The following GFRA1 variants were observed in gnomAD, a reference collection of about 807,000 sequenced individuals.
The protein encoded by GFRA1 is GDNF family receptor alpha-1.
In GFRA1, 16 loss-of-function variants were observed where a neutral mutation model predicts 51.6. The observed-to-expected ratio is 0.31, with a 90% CI of 0.21 to 0.47. GFRA1 has a LOEUF of 0.47. Among genes scored for constraint, GFRA1 ranks in the 20% least tolerant of loss-of-function variants. The pLI is 1.00. For missense variants in GFRA1, 530 were observed against 594.3 expected (o/e 0.89, Z 1.13); for synonymous variants, 270 against 241.3 (o/e 1.12, Z -1.10).
intron 6 of GFRA1, 54 bp downstream of exon 6, chr10:116,125,164 AGCC>A (rs1957801456): frequency 7.0e-7 from 1 of 1,438,332 alleles, no homozygotes; most frequent in African/African-American, 1.4e-5. Context: ...CAGCCGAAGC[AGCC>A]GCCAAGACTT....
At chr10:116,252,474 G>A (rs1336053890) in intron 4 of GFRA1, among the ~76,000 whole-genome samples, 1 of 152,194 alleles carries the variant, frequency 6.6e-6, no homozygotes, top group Non-Finnish European at 1.5e-5. Flanking sequence ...GTGATACCAA[G>A]TGAGGTATAC....
chr10:116,093,762 C>T lies in GFRA1; in HGVS notation c.955G>A (p.Gly319Arg). 6.2e-7 allele frequency: 1 copy of T among 1,613,738 alleles called. No homozygotes were observed. ...VAPWCDCSNS[G>R]NDLEECLKFL... ...TTCAAGCACTCTTCTAGGTCGTTCC[C>T]ACTGTTGCTGCAGTCACACCATGGG... is the stretch of plus-strand genomic sequence containing the variant. Residue 319 changes from glycine (G) to arginine (R), a missense_variant, in exon 8 of 11, where the codon GGG becomes AGG. Gly to Arg is a moderately radical substitution (Grantham distance 125). Coordinates refer to ENST00000355422, the MANE Select transcript of GFRA1 (RefSeq NM_005264.8).
intron 4 of GFRA1, among the ~76,000 whole-genome samples, chr10:116,256,378 G>C (rs375631751): frequency 3.3e-5 from 5 of 152,088 alleles, no homozygotes; most frequent in Non-Finnish European, 5.9e-5. Context: ...GGGTCCACCC[G>C]GTAGGTCCTG....
At chr10:116,239,829 C>T (rs1384537758) in intron 4 of GFRA1, among the ~76,000 whole-genome samples, 3 of 152,100 alleles carry the variant, frequency 2.0e-5, no homozygotes, top group East Asian at 3.8e-4. Flanking sequence ...AACTGAGTCT[C>T]CTAGGATTTA....
At chr10:116,243,883 T>G (rs1207661131) in intron 4 of GFRA1, among the ~76,000 whole-genome samples, 1 of 152,112 alleles carries the variant, frequency 6.6e-6, no homozygotes, top group Non-Finnish European at 1.5e-5. Flanking sequence ...CTCTGCTCAC[T>G]GGCCTGGGGA....
At chr10:116,101,980 AC>A (rs1157624246) in intron 6 of GFRA1, among the ~76,000 whole-genome samples, 1 of 152,212 alleles carries the variant, frequency 6.6e-6, no homozygotes, top group Non-Finnish European at 1.5e-5. Context: ...TATTATTCTT[AC>A]CCATATTCCA....
Position 116,091,767 on chromosome 10 carries a change from G to T in GFRA1, c.1016-1845C>A, listed in dbSNP as rs182813950. 2.4e-4 allele frequency among the ~76,000 whole-genome samples: 36 copies of T among 152,292 alleles called. 1 individual carries two copies. Among genetic ancestry groups the T allele is most frequent in the African/African-American group, 8.4e-4 (35 of 41,556 alleles). On this transcript the variant is annotated intron_variant, in intron 8 of 10. Coordinates refer to ENST00000355422, the MANE Select transcript of GFRA1 (RefSeq NM_005264.8). The stretch of plus-strand genomic sequence containing the variant: ...CTAGTTACAAGAGATTGAACTGATG[G>T]CCCTGTGTCTTTGGGGCTCTGTGCC...
intron 4 of GFRA1, among the ~76,000 whole-genome samples, chr10:116,212,817 C>T (rs903607866): frequency 5.3e-5 from 8 of 152,154 alleles, no homozygotes; most frequent in African/African-American, 1.4e-4. Flanking sequence ...TTGTTCTCCA[C>T]GTTTGGCAAT....
At position 116,064,228 on chromosome 10, in the gene GFRA1, A is replaced by G. The variant is rs1078080; in HGVS notation, c.*170T>C. ...GCATCAGGTTTTTCACAGAAGCCCCAAAGGATCACAAGAAGCTTTCTTAAA... is the reference window on the plus strand; with the variant it reads ...GCATCAGGTTTTTCACAGAAGCCCCGAAGGATCACAAGAAGCTTTCTTAAA... On this transcript the variant is annotated 3_prime_UTR_variant, in exon 11 of 11. Coordinates refer to ENST00000355422, the MANE Select transcript of GFRA1 (RefSeq NM_005264.8). 0.35 allele frequency: 222,157 copies of G among 627,618 alleles called. 46,484 individuals carry two copies. Among genetic ancestry groups the G allele is most frequent in the African/African-American group, 0.73 (39,600 of 54,072 alleles). The allele number at this position is 627,618 out of a possible 1,614,324, so 38.9% of individuals were successfully genotyped here.
chr10:116,231,993 A>G (rs1966707939), intron 4 of GFRA1, among the ~76,000 whole-genome samples: 1 of 152,226 alleles, frequency 6.6e-6, no homozygotes, highest in Non-Finnish European at 1.5e-5. Context: ...AGAGCGCAGT[A>G]TGGAGAGGGC....
Position 116,254,176 on chromosome 10 carries a change from G to C in GFRA1, c.418+15327C>G, listed in dbSNP as rs185667349. 1.5e-3 allele frequency among the ~76,000 whole-genome samples: 232 copies of C among 151,972 alleles called. 1 individual carries two copies. Among genetic ancestry groups the C allele is most frequent in the African/African-American group, 5.4e-3 (226 of 41,472 alleles). ...TCTCTACTAAAAATAAAAAAAATTA[G>C]CTAGGTGTGGTGGCAGGTGCCTGTA... On this transcript the variant is annotated intron_variant, in intron 4 of 10. Coordinates refer to ENST00000355422, the MANE Select transcript of GFRA1 (RefSeq NM_005264.8).
At chr10:116,157,329 T>C (rs1425142661) in intron 5 of GFRA1, among the ~76,000 whole-genome samples, 1 of 152,204 alleles carries the variant, frequency 6.6e-6, no homozygotes, top group African/African-American at 2.4e-5. Flanking sequence ...AGCTGCTAGA[T>C]CTGGGTATCA....
intron 4 of GFRA1, among the ~76,000 whole-genome samples, chr10:116,250,548 G>A (rs570396485): frequency 1.6e-3 from 246 of 152,308 alleles, no homozygotes; most frequent in African/African-American, 5.7e-3. Flanking sequence ...TATCATTTAA[G>A]GATTACATTT....
chr10:116,064,226 C>CCG lies in GFRA1; in HGVS notation c.*171_*172insCG, dbSNP rs1954982547. On this transcript the variant is annotated 3_prime_UTR_variant, in exon 11 of 11. Coordinates refer to ENST00000355422, the MANE Select transcript of GFRA1 (RefSeq NM_005264.8). ...CTGCATCAGGTTTTTCACAGAAGCC[C>CCG]CAAAGGATCACAAGAAGCTTTCTTA... is the stretch of plus-strand genomic sequence containing the variant. 1.6e-6 allele frequency: 1 copy of CCG among 625,534 alleles called. No individual in the cohort carries two copies. The highest frequency in any genetic ancestry group is 1.8e-5 in the African/African-American group (1 of 54,128). 38.7% of individuals were successfully genotyped at this position (625,534 alleles called of 1,614,324 possible).
chr10:116,265,543 T>C (rs1413326782), intron 4 of GFRA1, among the ~76,000 whole-genome samples: 2 of 152,146 alleles, frequency 1.3e-5, no homozygotes, highest in African/African-American at 2.4e-5. Context: ...CCAAAAAAAA[T>C]TGCCAACAGG....
chr10:116,246,298 G>A (rs140447951), intron 4 of GFRA1, among the ~76,000 whole-genome samples: 3,908 of 152,218 alleles, frequency 0.026, 73 homozygotes, highest in Non-Finnish European at 0.04. Flanking sequence ...AGGCATGGTG[G>A]TGGGCACCTG....
At chr10:116,089,654 G>T in intron 9 of GFRA1, 87 bp downstream of exon 9, 2 of 1,084,896 alleles carry the variant, frequency 1.8e-6, no homozygotes, top group Middle Eastern at 2.7e-4. Context: ...ATCTCTCTCT[G>T]CATACATTTC....
At chr10:116,241,272 T>C (rs1180972579) in intron 4 of GFRA1, among the ~76,000 whole-genome samples, 1 of 152,242 alleles carries the variant, frequency 6.6e-6, no homozygotes, top group East Asian at 1.9e-4. Context: ...AAGAGGTTCA[T>C]GGTCCCCATA....
intron 5 of GFRA1, among the ~76,000 whole-genome samples, chr10:116,174,380 C>T (rs1471505828): frequency 6.6e-6 from 1 of 152,206 alleles, no homozygotes; most frequent in East Asian, 1.9e-4. Context: ...TCCCTGCATT[C>T]TTCTCTTTAA....
Sources: allele counts gnomAD v4.1 joint callset (sites outside exome capture counted in the v4.1 genomes callset), GRCh38; gene constraint gnomAD v4.1.1; transcripts MANE v1.5; gene names NCBI Gene and HGNC (gene_info 2026-07-23, HGNC 2026-07-21).